Variants in SIK3 observed in about 807,000 individuals in gnomAD.
SIK3 encodes serine/threonine-protein kinase SIK3.
Under a neutral mutation model 144.2 loss-of-function variants are expected in SIK3, and 28 were observed. That is an observed-to-expected ratio of 0.19 (90% CI 0.14 to 0.27). SIK3 has a LOEUF of 0.27. Ranked by LOEUF, SIK3 falls within the 10% of genes least tolerant of loss-of-function variation. The pLI is 1.00. For missense variants in SIK3, 1,319 were observed against 1,776.0 expected (o/e 0.74, Z 4.62); for synonymous variants, 686 against 676.3 (o/e 1.01, Z -0.22).
intron 1 of SIK3, among the ~76,000 whole-genome samples, chr11:116,987,037 T>C (rs1027522784): frequency 5.3e-5 from 8 of 152,168 alleles, no homozygotes; most frequent in African/African-American, 1.9e-4. Context: ...GTCCTGGAGA[T>C]TGATTGCACA....
chr11:116,892,315 G>A (rs1591244655), intron 6 of SIK3, among the ~76,000 whole-genome samples: 2 of 152,252 alleles, frequency 1.3e-5, no homozygotes, highest in East Asian at 3.9e-4. Flanking sequence ...TGGAGAATAT[G>A]GCGTCTCAGA....
intron 4 of SIK3, among the ~76,000 whole-genome samples, chr11:116,926,014 C>T (rs969022837): frequency 6.6e-6 from 1 of 152,146 alleles, no homozygotes; most frequent in South Asian, 2.1e-4. Flanking sequence ...CTTATCTACA[C>T]AAAAGCAACT....
At chr11:117,025,510 A>G (rs993910869) in intron 1 of SIK3, among the ~76,000 whole-genome samples, 3 of 152,170 alleles carry the variant, frequency 2.0e-5, no homozygotes, top group Admixed American at 6.5e-5. Flanking sequence ...CAATGGCACA[A>G]TCTCAGCTCA....
At chr11:117,042,523 T>C (rs975432736) in intron 1 of SIK3, among the ~76,000 whole-genome samples, 1 of 152,120 alleles carries the variant, frequency 6.6e-6, no homozygotes, top group Non-Finnish European at 1.5e-5. Context: ...TTAACACACA[T>C]AAGGATAAAT....
chr11:117,076,947 G>A (rs988546219), intron 1 of SIK3, among the ~76,000 whole-genome samples: 2 of 152,170 alleles, frequency 1.3e-5, no homozygotes, highest in African/African-American at 2.4e-5. Context: ...CTTCAGGCCA[G>A]GAGTTTGAGA....
At chr11:117,000,357 C>T (rs964507624) in intron 1 of SIK3, among the ~76,000 whole-genome samples, 1 of 152,188 alleles carries the variant, frequency 6.6e-6, no homozygotes, top group African/African-American at 2.4e-5. Context: ...CTGCAATTAG[C>T]TACACATTGT....
At chr11:116,975,197 C>A (rs1949903285) in intron 1 of SIK3, among the ~76,000 whole-genome samples, 1 of 151,578 alleles carries the variant, frequency 6.6e-6, no homozygotes, top group Admixed American at 6.6e-5. Context: ...AAAAAAAAAG[C>A]AGCTTTATTG....
intron 6 of SIK3, among the ~76,000 whole-genome samples, chr11:116,881,891 T>A (rs559334650): frequency 1.2e-4 from 19 of 152,326 alleles, no homozygotes; most frequent in Non-Finnish European, 2.5e-4. Flanking sequence ...CTCAATTTTA[T>A]AGACAAAGAG....
intron 1 of SIK3, among the ~76,000 whole-genome samples, chr11:117,047,768 C>G (rs570912154): frequency 6.6e-6 from 1 of 151,980 alleles, no homozygotes; most frequent in African/African-American, 2.4e-5. Context: ...CATAGTGAGA[C>G]CTCATATTTA....
rs112774439 is a variant in SIK3 at position 117,021,938 on chromosome 11, A to C, written c.274-64874T>G. Among the ~76,000 whole-genome samples the C allele has an allele frequency of 1.0e-3, 133 of 127,436 alleles. 1 individual carries two copies. The highest frequency in any genetic ancestry group is 4.2e-3 in the African/African-American group (121 of 28,640). 83.6% of individuals were successfully genotyped at this position (127,436 alleles called of 152,430 possible). A position where few individuals can be genotyped will look rare whatever the true frequency, so the allele number is the denominator to read the frequency against. ...GAGCCTCTGTCTCTACAAAAAAAAA[A>C]AAAAAAAAAAAAAAAAAAAAAAACC... On this transcript the variant is annotated intron_variant, in intron 1 of 24. Coordinates refer to ENST00000445177, the MANE Select transcript of SIK3 (RefSeq NM_001366686.3).
intron 1 of SIK3, among the ~76,000 whole-genome samples, chr11:116,992,324 C>CA (rs1319249713): frequency 6.9e-6 from 1 of 145,678 alleles, no homozygotes; most frequent in South Asian, 2.2e-4. Context: ...GACCCCCCCC[C>CA]CCAAAAAAAA....
chr11:117,065,909 G>C (rs1953989907), intron 1 of SIK3, among the ~76,000 whole-genome samples: 1 of 151,922 alleles, frequency 6.6e-6, no homozygotes, highest in Non-Finnish European at 1.5e-5. Flanking sequence ...CACAATTACA[G>C]GTGTGAGCCG....
intron 1 of SIK3, among the ~76,000 whole-genome samples, chr11:117,071,155 G>T (rs1302934340): frequency 6.7e-6 from 1 of 150,108 alleles, no homozygotes; most frequent in Non-Finnish European, 1.5e-5. Context: ...CAGCAGGGCA[G>T]ACTGAAATCA....
chr11:116,947,531 ATATGTATGTATG>A (rs748760831), intron 3 of SIK3, among the ~76,000 whole-genome samples: 15 of 125,044 alleles, frequency 1.2e-4, no homozygotes, highest in African/African-American at 4.2e-4. Context: ...ATATATATAT[ATATGTATGTATG>A]TATGTATGTA....
Position 116,849,211 on chromosome 11 carries a change from A to T in SIK3, c.3728T>A (p.Leu1243His), listed in dbSNP as rs1479251113. 6.2e-7 allele frequency: 1 copy of T among 1,614,142 alleles called. No individual in the cohort carries two copies. The highest frequency in any genetic ancestry group is 1.6e-4 in the Middle Eastern group (1 of 6,062). ...QAVELPDHNG[L>H]GYPARPSVHE... Reference sequence around the variant, plus strand: ...GACGGAGGGGCGTGCTGGGTACCCGAGCCCATTGTGATCCGGCAGCTCCAC... The same window carrying T: ...GACGGAGGGGCGTGCTGGGTACCCGTGCCCATTGTGATCCGGCAGCTCCAC... The change falls in exon 22 of 25, where the codon CTC becomes CAC. Residue 1243 changes from leucine to histidine, a missense_variant. Physicochemically the swap from Leu to His is moderately conservative, Grantham distance 99. This residue lies in a region of SIK3 where 646 missense variants were observed against 763.7 expected (regional missense o/e 0.85). Coordinates refer to ENST00000445177, the MANE Select transcript of SIK3 (RefSeq NM_001366686.3). The surrounding 1 kb of genome is among the most constrained non-coding windows in gnomAD (Gnocchi z 4.2).
At chr11:117,013,364 C>T (rs186104905) in intron 1 of SIK3, among the ~76,000 whole-genome samples, 233 of 152,188 alleles carry the variant, frequency 1.5e-3, no homozygotes, top group African/African-American at 5.5e-3. Flanking sequence ...TGGTGCCACA[C>T]GCCTATAATC....
chr11:116,847,296 C>T (rs2134272089), intron 23 of SIK3, among the ~76,000 whole-genome samples, 180 bp downstream of exon 23: 1 of 152,340 alleles, frequency 6.6e-6, no homozygotes, highest in South Asian at 2.1e-4. Context: ...AGCCACACCT[C>T]CTTTACACAC....
intron 1 of SIK3, among the ~76,000 whole-genome samples, chr11:117,036,574 T>C (rs767874838): frequency 2.6e-5 from 4 of 152,232 alleles, no homozygotes; most frequent in Non-Finnish European, 5.9e-5. Context: ...ATAGCTTCTA[T>C]AAAGCAGAAT....
intron 1 of SIK3, among the ~76,000 whole-genome samples, chr11:117,027,438 T>TC (rs1491186870): frequency 4.8e-4 from 40 of 84,066 alleles, no homozygotes; most frequent in African/African-American, 7.8e-4. Flanking sequence ...TTTTTTTTTC[T>TC]TTTTTTTATA....
Sources: allele counts gnomAD v4.1 joint callset (sites outside exome capture counted in the v4.1 genomes callset), GRCh38; gene constraint gnomAD v4.1.1; regional missense constraint gnomAD v4.1.1; non-coding constraint Gnocchi (gnomAD v3.1); transcripts MANE v1.5; gene names NCBI Gene and HGNC (gene_info 2026-07-23, HGNC 2026-07-21).